Variants in RAPGEF5 observed in about 807,000 individuals in gnomAD.
RAPGEF5 encodes M-Ras-regulated GEF.
In RAPGEF5, 65 loss-of-function variants were observed where a neutral mutation model predicts 125.2. That is an observed-to-expected ratio of 0.52 (90% confidence interval 0.43 to 0.64). The LOEUF (loss-of-function observed/expected upper bound fraction) is 0.64. Ranked by LOEUF, RAPGEF5 falls within the 30% of genes least tolerant of loss-of-function variation. The pLI is 0.00. For missense variants in RAPGEF5, 958 were observed against 1,048.1 expected (o/e 0.91, Z 1.19); for synonymous variants, 391 against 385.9 (o/e 1.01, Z -0.16).
At chr7:22,314,669 G>C in intron 3 of RAPGEF5, 1 of 969,226 alleles carries the variant, frequency 1.0e-6, no homozygotes, top group Non-Finnish European at 1.2e-6. Context: ...AATGGTAGTG[G>C]TTTTTCTTTT....
At chr7:22,213,317 G>A (rs1209639745) in intron 9 of RAPGEF5, among the ~76,000 whole-genome samples, 1 of 152,214 alleles carries the variant, frequency 6.6e-6, no homozygotes, top group Non-Finnish European at 1.5e-5. Flanking sequence ...AGCACACACA[G>A]TGAACCAAAC....
chr7:22,327,517 T>C (rs1783837087), intron 1 of RAPGEF5, among the ~76,000 whole-genome samples: 1 of 152,216 alleles, frequency 6.6e-6, no homozygotes, highest in South Asian at 2.1e-4. Context: ...CTCTTCACCT[T>C]CCAGAGTTTC....
intron 18 of RAPGEF5, among the ~76,000 whole-genome samples, chr7:22,147,251 C>T (rs2128105981): frequency 6.6e-6 from 1 of 152,304 alleles, no homozygotes; most frequent in East Asian, 1.9e-4. Flanking sequence ...CGCTCCTCCC[C>T]CATCTCTCTC....
chr7:22,221,960 G>T (rs768561992), intron 8 of RAPGEF5, among the ~76,000 whole-genome samples: 12 of 152,002 alleles, frequency 7.9e-5, no homozygotes, highest in Non-Finnish European at 1.5e-4. Context: ...AAAAAACAAA[G>T]TTCTGGCCGG....
At chr7:22,272,199 C>A (rs1782444976) in intron 6 of RAPGEF5, among the ~76,000 whole-genome samples, 1 of 151,674 alleles carries the variant, frequency 6.6e-6, no homozygotes, top group South Asian at 2.1e-4. Context: ...AAAAAATTAG[C>A]CGAGTATGGT....
intron 24 of RAPGEF5, among the ~76,000 whole-genome samples, chr7:22,127,128 C>T (rs992912039): frequency 2.7e-5 from 4 of 147,648 alleles, no homozygotes; most frequent in Non-Finnish European, 4.5e-5. Flanking sequence ...ACCCTCTACT[C>T]CCCAGGTTCA....
intron 8 of RAPGEF5, among the ~76,000 whole-genome samples, chr7:22,226,064 T>C (rs1040983877): frequency 6.6e-6 from 1 of 152,192 alleles, no homozygotes; most frequent in African/African-American, 2.4e-5. Flanking sequence ...CACAGTTCTT[T>C]GTATTAAAAC....
intron 11 of RAPGEF5, among the ~76,000 whole-genome samples, chr7:22,189,357 T>C (rs1784920943): frequency 6.6e-6 from 1 of 152,166 alleles, no homozygotes; most frequent in Middle Eastern, 3.2e-3. Context: ...AAATCATCGT[T>C]CACTACAGAA....
At chr7:22,289,988 T>C (rs564315295) in intron 6 of RAPGEF5, among the ~76,000 whole-genome samples, 2 of 152,302 alleles carry the variant, frequency 1.3e-5, no homozygotes, top group African/African-American at 4.8e-5. Context: ...GAACTGTAAG[T>C]CAATTAATCC....
intron 9 of RAPGEF5, among the ~76,000 whole-genome samples, chr7:22,217,603 G>A (rs1785670617): frequency 6.6e-6 from 1 of 152,164 alleles, no homozygotes; most frequent in African/African-American, 2.4e-5. Flanking sequence ...TTCCACTGGT[G>A]TCATCCTGCA....
intron 1 of RAPGEF5, among the ~76,000 whole-genome samples, chr7:22,343,166 G>A (rs745787904): frequency 8.5e-5 from 13 of 152,144 alleles, no homozygotes; most frequent in Admixed American, 1.3e-4. Context: ...GGTAGACAAG[G>A]GAAAAGAGCT....
intron 7 of RAPGEF5, among the ~76,000 whole-genome samples, chr7:22,247,079 C>T (rs1316490697): frequency 1.3e-5 from 2 of 152,140 alleles, no homozygotes; most frequent in Non-Finnish European, 2.9e-5. Context: ...CAAAAGACAA[C>T]AGATGCTGGC....
chr7:22,258,272 T>C (rs1422030099), intron 7 of RAPGEF5, among the ~76,000 whole-genome samples: 1 of 152,160 alleles, frequency 6.6e-6, no homozygotes, highest in African/African-American at 2.4e-5. Flanking sequence ...CACTACCCAA[T>C]TTCAATACTT....
At chr7:22,179,146 A>C (rs546862915) in intron 11 of RAPGEF5, among the ~76,000 whole-genome samples, 4 of 152,340 alleles carry the variant, frequency 2.6e-5, no homozygotes, top group Admixed American at 6.5e-5. Context: ...TCACAATAAT[A>C]GAATATTATA....
chr7:22,246,022 G>T lies in RAPGEF5; in HGVS notation c.797-15103C>A, dbSNP rs1422188380. Among the ~76,000 whole-genome samples, 3 of 152,068 alleles carry T rather than the reference G, an allele frequency of 2.0e-5. No individual in the cohort carries two copies. In the East Asian group the frequency reaches 5.8e-4, roughly 29 times the overall value. ...AAATACCTAGGAATACATCTAACTA[G>T]AGAGGTGAAAGGTATCTACAAGGAC... On this transcript the variant is annotated intron_variant, in intron 7 of 25. Transcript: ENST00000665637.
At chr7:22,279,007 T>G (rs1175452850) in intron 6 of RAPGEF5, among the ~76,000 whole-genome samples, 1 of 152,148 alleles carries the variant, frequency 6.6e-6, no homozygotes, top group Non-Finnish European at 1.5e-5. Flanking sequence ...GTGTTTATAA[T>G]TCCTTACCCA....
At chr7:22,196,777 C>A (rs1420401796) in intron 9 of RAPGEF5, among the ~76,000 whole-genome samples, 1 of 152,158 alleles carries the variant, frequency 6.6e-6, no homozygotes, top group African/African-American at 2.4e-5. Context: ...ATTTTAAACG[C>A]TGATGTTTCG....
intron 11 of RAPGEF5, chr7:22,191,715 G>A (rs1408671031): frequency 2.1e-6 from 1 of 467,972 alleles, no homozygotes; most frequent in Non-Finnish European, 4.4e-6. Context: ...GGCAAATTCT[G>A]ACATTAGCAA....
At chr7:22,253,943 A>G (rs1583520256) in intron 7 of RAPGEF5, among the ~76,000 whole-genome samples, 1 of 152,370 alleles carries the variant, frequency 6.6e-6, no homozygotes, top group East Asian at 1.9e-4. Flanking sequence ...AGACCATAAA[A>G]GCAGAAGCTA....
Sources: gnomAD v4.1 joint callset for allele counts (sites outside exome capture counted in the v4.1 genomes callset) on GRCh38, gnomAD v4.1.1 for gene constraint, MANE v1.5 for transcripts, NCBI Gene and HGNC (gene_info 2026-07-23, HGNC 2026-07-21) for gene names.